COLGALT1: variants seen among roughly 807,000 people sequenced by gnomAD.
The protein encoded by COLGALT1 is collagen beta(1-O)galactosyltransferase 1, also known as procollagen galactosyltransferase 1.
A neutral mutation model predicts 60.8 loss-of-function variants in COLGALT1; 43 were observed. The ratio of observed to expected loss-of-function variants is 0.71; its 90% CI spans 0.55 to 0.91. The LOEUF (loss-of-function observed/expected upper bound fraction) is 0.91. COLGALT1 is among the 40% of genes least tolerant of loss of function. COLGALT1 has a pLI of 0.00. For synonymous variants in COLGALT1, 369 were observed against 374.2 expected (o/e 0.99, Z 0.16); for missense variants, 845 against 880.0 (o/e 0.96, Z 0.50).
rs961004818 is a variant in COLGALT1 at position 17,564,075 on chromosome 19, A to G, written c.490-3331A>G. On this transcript the variant is annotated intron_variant, in intron 3 of 11. Transcript: ENST00000252599. ...ACATAGTGAGACCCCCCCCATCTCT[A>G]CAAAAACTAACAAAAAAAAAAAATT... 4.0e-5 allele frequency among the ~76,000 whole-genome samples: 6 copies of G among 149,590 alleles called. No individual in the cohort carries two copies. The East Asian group carries it at 1.2e-3, about 29-fold the overall frequency.
At position 17,567,007 on chromosome 19, in the gene COLGALT1, C is replaced by T. The variant is rs551253257; in HGVS notation, c.490-399C>T. ...GTGCACGGCTGTAGTCGCAGCTACT[C>T]GGGAGGCTGAGACAGGAGAATCGCT... On this transcript the variant is annotated intron_variant, in intron 3 of 11. Transcript: ENST00000252599. Among the ~76,000 whole-genome samples the T allele has an allele frequency of 3.9e-4, 59 of 151,854 alleles. 1 individual carries two copies. The highest frequency in any genetic ancestry group is 1.4e-3 in the African/African-American group (58 of 41,416).
rs556742672 is a variant in COLGALT1, at chr19:17,582,628, A to T, written c.*1184A>T. The T allele has an allele frequency of 6.6e-6, 1 of 152,288 alleles. No individual in the cohort carries two copies. The highest frequency in any genetic ancestry group is 2.4e-5 in the African/African-American group (1 of 41,554). 9.4% of individuals were successfully genotyped at this position (152,288 alleles called of 1,614,324 possible). ...TTCATGCCACAAGTGTTTATTGAGCACCTGTGTGCCAGGCCTCACAGACTC... is the reference window on the plus strand; with the variant it reads ...TTCATGCCACAAGTGTTTATTGAGCTCCTGTGTGCCAGGCCTCACAGACTC... On this transcript the variant is annotated 3_prime_UTR_variant, in exon 12 of 12. Transcript: ENST00000252599.
At chr19:17,572,402 C>T in intron 5 of COLGALT1, 81 bp from the exon 6 acceptor site, 1 of 1,601,886 alleles carries the variant, frequency 6.2e-7, no homozygotes, top group South Asian at 1.1e-5. Flanking sequence ...CGTTGGCCTC[C>T]TGAAGCCGTG....
rs1568483993 is a variant in COLGALT1 at position 17,581,710 on chromosome 19, G to A, written c.*266G>A. 3.8e-6 allele frequency: 2 copies of A among 524,526 alleles called. No individual in the cohort carries two copies. The highest frequency in any genetic ancestry group is 6.8e-6 in the Non-Finnish European group (2 of 292,978). The allele number at this position is 524,526 out of a possible 1,614,324, so 32.5% of individuals were successfully genotyped here. Reference sequence around the variant, plus strand: ...TGTTCATGTGCCCAGCATTTATTAAGCACCTGCTGTATGCAAGGTTCCCAT... The same window carrying A: ...TGTTCATGTGCCCAGCATTTATTAAACACCTGCTGTATGCAAGGTTCCCAT... On this transcript the variant is annotated 3_prime_UTR_variant, in exon 12 of 12. Transcript: ENST00000252599.
At position 17,567,478 on chromosome 19, in the gene COLGALT1, G is replaced by A; in HGVS notation, c.562G>A (p.Val188Ile). The A allele has an allele frequency of 6.2e-7, 1 of 1,614,150 alleles. No homozygotes were observed. The highest frequency in any genetic ancestry group is 8.5e-7 in the Non-Finnish European group (1 of 1,180,000). ...GCTCATCGCTGAGAACAAGACGGTG[G>A]TCGCCCCCATGCTGGATTCCCGGGC... ...SLLIAENKTV[V>I]APMLDSRAAY... Residue 188 changes from valine (V) to isoleucine (I), a missense_variant, in exon 4 of 12, where the codon GTC becomes ATC. By Grantham distance (29) the Val-to-Ile change is conservative. Coordinates refer to ENST00000252599, the MANE Select transcript of COLGALT1 (RefSeq NM_024656.4).
At chr19:17,559,533 G>A (rs1050113416) in intron 2 of COLGALT1, 112 bp downstream of exon 2, 2 of 790,518 alleles carry the variant, frequency 2.5e-6, no homozygotes, top group Admixed American at 4.3e-5. Flanking sequence ...CCTGCCTCCA[G>A]CCCAGCCAGG....
intron 6 of COLGALT1, 142 bp from the exon 7 acceptor site, chr19:17,577,053 C>A: frequency 1.5e-6 from 1 of 646,662 alleles, no homozygotes; most frequent in Non-Finnish European, 2.6e-6. Context: ...TCCTAGAGGG[C>A]AGCGCTGATG....
intron 9 of COLGALT1, 151 bp from the exon 10 acceptor site, chr19:17,579,331 T>TGGATGTCC: frequency 9.6e-7 from 1 of 1,042,128 alleles, no homozygotes; most frequent in Non-Finnish European, 1.4e-6. Flanking sequence ...GGCAGAGGTT[T>TGGATGTCC]GGATGTCCAG....
Position 17,567,424 on chromosome 19 carries a change from C to T in COLGALT1, c.508C>T (p.Leu170=), listed in dbSNP as rs2076285909. 8 of 1,613,876 alleles carry T rather than the reference C, an allele frequency of 5.0e-6. No individual in the cohort carries two copies. The East Asian group carries it at 1.8e-4, about 36-fold the overall frequency. ...DYILFVDADN[L]ILNPDTLSLL... Reference sequence around the variant, plus strand: ...TCTGCAGTTTGTAGATGCGGACAACCTGATCCTCAACCCTGACACACTGAG... The same window carrying T: ...TCTGCAGTTTGTAGATGCGGACAACTTGATCCTCAACCCTGACACACTGAG... Residue 170 remains leucine, a synonymous_variant, in exon 4 of 12, where the codon CTG becomes TTG. Coordinates refer to ENST00000252599, the MANE Select transcript of COLGALT1 (RefSeq NM_024656.4).
chr19:17,564,377 T>C (rs1338182411), intron 3 of COLGALT1, among the ~76,000 whole-genome samples: 1 of 150,600 alleles, frequency 6.6e-6, no homozygotes, highest in East Asian at 1.9e-4. Context: ...GTGTATAATA[T>C]AGATATACAT....
chr19:17,562,086 G>T (rs2076252873), intron 3 of COLGALT1, among the ~76,000 whole-genome samples: 1 of 152,188 alleles, frequency 6.6e-6, no homozygotes, highest in Admixed American at 6.6e-5. Context: ...GGCCAGGCTG[G>T]TCTCTAAAGT....
chr19:17,577,827 C>T lies in COLGALT1; in HGVS notation c.1134-130C>T, dbSNP rs1358588545. 37 of 1,275,220 alleles carry T rather than the reference C, an allele frequency of 2.9e-5. No individual in the cohort carries two copies. In the Admixed American group the frequency reaches 5.0e-4, roughly 17 times the overall value. 79.0% of individuals were successfully genotyped at this position (1,275,220 alleles called of 1,614,324 possible). A position where few individuals can be genotyped will look rare whatever the true frequency, so the allele number is the denominator to read the frequency against. On this transcript the variant is annotated intron_variant, in intron 8 of 11. Coordinates refer to ENST00000252599, the MANE Select transcript of COLGALT1 (RefSeq NM_024656.4). ...GCAGGTGAGTGAGGCCCCATGTGCC[C>T]GGAAGGGGTGCCAGTGCTACAAGAG...
At chr19:17,567,711 G>T (rs2076287892) in intron 4 of COLGALT1, among the ~76,000 whole-genome samples, 171 bp downstream of exon 4, 1 of 151,922 alleles carries the variant, frequency 6.6e-6, no homozygotes, top group Admixed American at 6.6e-5. Context: ...GACTGCGGCA[G>T]GCGGGTTGCC....
At chr19:17,564,495 C>G (rs1020789109) in intron 3 of COLGALT1, among the ~76,000 whole-genome samples, 3 of 147,492 alleles carry the variant, frequency 2.0e-5, no homozygotes, top group Middle Eastern at 3.7e-3. Context: ...CGGCTCACTG[C>G]AACCTCTGCC....
chr19:17,577,187 C>G lies in COLGALT1; in HGVS notation c.950-8C>G. The G allele has an allele frequency of 6.2e-7, 1 of 1,612,856 alleles. No individual in the cohort carries two copies. Among genetic ancestry groups the G allele is most frequent in the Non-Finnish European group, 8.5e-7 (1 of 1,179,478 alleles). On this transcript the variant is annotated splice_region_variant and splice_polypyrimidine_tract_variant and intron_variant, in intron 6 of 11. Transcript: ENST00000252599. ...CCCCAGCGACTCCTCAACGTCTGTG[C>G]CCCACAGTGAAGCACCCGCCCGCAG...
intron 9 of COLGALT1, among the ~76,000 whole-genome samples, 157 bp downstream of exon 9, chr19:17,578,246 A>G (rs1161280674): frequency 6.6e-6 from 1 of 152,078 alleles, no homozygotes; most frequent in Non-Finnish European, 1.5e-5. Flanking sequence ...GATGCGCCAC[A>G]CCAGCTGTAT....
Position 17,559,315 on chromosome 19 carries a change from G to A in COLGALT1, c.265G>A (p.Ala89Thr). ...HPRERTALWV[A>T]TDHNMDNTST... ...GCCTGTCCCCTCTCCCTGCAGGGTG[G>A]CTACGGACCACAACATGGATAACAC... The change falls in exon 2 of 12, where the codon GCT becomes ACT. Residue 89 changes from alanine (A) to threonine (T), a missense_variant. Transcript: ENST00000252599. 1.3e-6 allele frequency: 2 copies of A among 1,551,562 alleles called. No homozygotes were observed. Among genetic ancestry groups the A allele is most frequent in the Non-Finnish European group, 8.7e-7 (1 of 1,146,782 alleles).
intron 6 of COLGALT1, among the ~76,000 whole-genome samples, chr19:17,573,053 CTA>C (rs1029097527): frequency 6.6e-5 from 10 of 152,120 alleles, no homozygotes; most frequent in African/African-American, 2.4e-4. Flanking sequence ...CAGTCAGGAG[CTA>C]TAGAGGACAT....
intron 1 of COLGALT1, among the ~76,000 whole-genome samples, chr19:17,557,721 C>CT: frequency 6.6e-6 from 1 of 152,344 alleles, no homozygotes; most frequent in Admixed American, 6.5e-5. Context: ...CCTGCCTCAG[C>CT]TTCTTGAGTA....
Sources: allele counts gnomAD v4.1 joint callset (sites outside exome capture counted in the v4.1 genomes callset), GRCh38; gene constraint gnomAD v4.1.1; transcripts MANE v1.5; gene names NCBI Gene and HGNC (gene_info 2026-07-23, HGNC 2026-07-21).